Variants in HEG1 observed in about 807,000 individuals in gnomAD.
HEG1 encodes the protein heart development protein with EGF like domains 1.
Under a neutral mutation model 125.6 loss-of-function variants are expected in HEG1, and 56 were observed. The observed-to-expected ratio is 0.45, with a 90% confidence interval of 0.36 to 0.56. The LOEUF is 0.56. Among genes scored for constraint, HEG1 ranks in the 20% least tolerant of loss-of-function variants. The pLI is 0.00. For missense variants in HEG1, 1,523 were observed against 1,670.0 expected (o/e 0.91, Z 1.53); for synonymous variants, 644 against 668.5 (o/e 0.96, Z 0.57).
intron 14 of HEG1, among the ~76,000 whole-genome samples, chr3:124,984,343 T>C (rs1456772738): frequency 2.1e-5 from 3 of 140,880 alleles, no homozygotes; most frequent in Non-Finnish European, 1.5e-5. Flanking sequence ...AATGAAAGGA[T>C]GACCTACAAA....
intron 10 of HEG1, 36 bp downstream of exon 10, chr3:125,002,221 G>T: frequency 6.3e-7 from 1 of 1,589,074 alleles, no homozygotes; most frequent in South Asian, 1.1e-5. Context: ...CCTTTGTACA[G>T]ACTAGTTCAC....
intron 9 of HEG1, among the ~76,000 whole-genome samples, chr3:125,004,035 C>A (rs1029079016): frequency 2.0e-5 from 3 of 152,212 alleles, no homozygotes; most frequent in Admixed American, 6.5e-5. Context: ...TGTTCCCCAA[C>A]TTTGCACCTG....
chr3:124,987,924 T>TACACACAC lies in HEG1; in HGVS notation c.3733+2855_3733+2862dup, dbSNP rs67009322. 4.5e-3 allele frequency among the ~76,000 whole-genome samples: 305 copies of TACACACAC among 67,646 alleles called. 9 individuals are homozygous for TACACACAC. The highest frequency in any genetic ancestry group is 0.013 in the African/African-American group (264 of 20,206). 44.4% of individuals were successfully genotyped at this position (67,646 alleles called of 152,430 possible). ...TCTCTTCTGAAAGACTATATATGTG[T>TACACACAC]ACACACACACACACACACACACACA... On this transcript the variant is annotated intron_variant, in intron 14 of 16. Transcript: ENST00000311127.
intron 3 of HEG1, among the ~76,000 whole-genome samples, chr3:125,025,850 A>G (rs1204064622): frequency 2.6e-5 from 4 of 152,236 alleles, no homozygotes; most frequent in Non-Finnish European, 1.5e-5. Context: ...TTCTAAAAAC[A>G]TGAATCATGA....
Position 124,966,550 on chromosome 3 carries a change from T to A in HEG1, c.*4102A>T, listed in dbSNP as rs1425597689. The A allele has an allele frequency of 1.3e-5, 2 of 152,060 alleles. No individual in the cohort carries two copies. The highest frequency in any genetic ancestry group is 2.4e-5 in the African/African-American group (1 of 41,380). The allele number at this position is 152,060 out of a possible 1,614,324, so 9.4% of individuals were successfully genotyped here. A position where few individuals can be genotyped will look rare whatever the true frequency, so the allele number is the denominator to read the frequency against. On this transcript the variant is annotated 3_prime_UTR_variant, in exon 17 of 17. Transcript: ENST00000311127. ...AATGACACTTTGTTAAGGGAGGAAA[T>A]GAAATGTCCCTTCTCATCCACACAA...
rs1937514001 is a variant in HEG1 at position 125,032,941 on chromosome 3, G to T, written c.317-3453C>A. ...GAAGTCCCAGAGCCCATTCAGCTCA[G>T]GGAACTCCAGTGCAGTCTCCGAGGG... On this transcript the variant is annotated intron_variant, in intron 1 of 16. Transcript: ENST00000311127. 2.0e-5 allele frequency among the ~76,000 whole-genome samples: 3 copies of T among 152,198 alleles called. No homozygotes were observed. The South Asian group carries it at 6.2e-4, about 32-fold the overall frequency.
intron 15 of HEG1, 67 bp from the exon 16 acceptor site, chr3:124,973,972 TATGATTTTATAATGTAAATTCAACTGAAA>T: frequency 9.5e-7 from 1 of 1,047,920 alleles, no homozygotes; most frequent in Non-Finnish European, 1.4e-6. Context: ...AAGCACCAAC[TATGATTTTATAATGTAAATTCAACTGAAA>T]GCTACCATTA....
chr3:125,052,139 TC>T (rs1474623923), intron 1 of HEG1, among the ~76,000 whole-genome samples: 2 of 58,054 alleles, frequency 3.4e-5, no homozygotes, highest in African/African-American at 1.4e-4. Context: ...CCCTCCCGCC[TC>T]CCCCCCTTCT....
rs1937304033 is a variant in HEG1 at position 125,019,486 on chromosome 3, G to A, written c.1364C>T (p.Thr455Ile). The A allele has an allele frequency of 6.2e-7, 1 of 1,614,042 alleles. No homozygotes were observed. The highest frequency in any genetic ancestry group is 1.1e-5 in the South Asian group (1 of 91,082). Residue 455 changes from threonine (T) to isoleucine (I), a missense_variant, in exon 5 of 17, where the codon ACT becomes ATT. Physicochemically the swap from Thr to Ile is moderately conservative, Grantham distance 89. Transcript: ENST00000311127. ...GCTGTTGGTCAAGAGCCAGTGTGCA[G>A]TGATCTCTCCACCTCTCATGGGTGC... ...SVAPMRGGEI[T>I]AHWLLTNSTT... is the part of the protein sequence containing the mutation.
At chr3:124,979,462 T>C (rs62267129) in intron 14 of HEG1, among the ~76,000 whole-genome samples, 4 of 152,228 alleles carry the variant, frequency 2.6e-5, no homozygotes, top group Non-Finnish European at 5.9e-5. Flanking sequence ...TTTAAGCAAG[T>C]ACATATCATA....
intron 16 of HEG1, chr3:124,971,984 A>G (rs1402686539): frequency 1.3e-5 from 2 of 152,170 alleles, no homozygotes; most frequent in Non-Finnish European, 2.9e-5. Flanking sequence ...TTGTAGAGAC[A>G]GGGTCTCACC....
Position 125,001,998 on chromosome 3 carries a change from A to C in HEG1, c.3371T>G (p.Val1124Gly). The change falls in exon 11 of 17, where the codon GTG becomes GGG. Residue 1124 changes from valine to glycine, a missense_variant. Physicochemically the swap from Val to Gly is moderately radical, Grantham distance 109. Coordinates refer to ENST00000311127, the MANE Select transcript of HEG1 (RefSeq NM_020733.2). ...AAAGGTTGTTTGCAGTGAGATCACC[A>C]CCGCGTTGGACTCCCTATAGGCAAA... ...TVHASRESNA[V>G]VISLQTTFSL... is the part of the protein sequence containing the mutation. 2 of 1,613,952 alleles carry C rather than the reference A, an allele frequency of 1.2e-6. No homozygotes were observed. Among genetic ancestry groups the C allele is most frequent in the South Asian group, 1.1e-5 (1 of 91,046 alleles).
intron 5 of HEG1, among the ~76,000 whole-genome samples, chr3:125,017,195 C>T (rs959672288): frequency 6.6e-6 from 1 of 152,140 alleles, no homozygotes; most frequent in African/African-American, 2.4e-5. Context: ...GCTGAGATTA[C>T]AGGCACGTGC....
At chr3:125,029,864 C>G (rs1937473621) in intron 1 of HEG1, among the ~76,000 whole-genome samples, 1 of 152,210 alleles carries the variant, frequency 6.6e-6, no homozygotes, top group South Asian at 2.1e-4. Context: ...TGCACTCCAG[C>G]CTGGGCAACA....
chr3:125,030,119 G>A (rs748407535), intron 1 of HEG1, among the ~76,000 whole-genome samples: 2 of 152,172 alleles, frequency 1.3e-5, no homozygotes. Context: ...GGAAGATTGG[G>A]TGTAAGCAAA....
rs1936333899 is a variant in HEG1 at position 124,967,364 on chromosome 3, A to G, written c.*3288T>C. ...CCACGTGCCAGTGTGCTTCTTGCTG[A>G]GCACAAGCCAGCCACTATTTTCTTA... On this transcript the variant is annotated 3_prime_UTR_variant, in exon 17 of 17. Transcript: ENST00000311127. The G allele has an allele frequency of 6.6e-6, 1 of 151,990 alleles. No individual in the cohort carries two copies. Among genetic ancestry groups the G allele is most frequent in the Non-Finnish European group, 1.5e-5 (1 of 68,022 alleles). The allele number at this position is 151,990 out of a possible 1,614,324, so 9.4% of individuals were successfully genotyped here.
intron 3 of HEG1, among the ~76,000 whole-genome samples, chr3:125,021,901 A>G (rs977394960): frequency 6.6e-6 from 1 of 152,230 alleles, no homozygotes; most frequent in African/African-American, 2.4e-5. Flanking sequence ...TCAAATCTGC[A>G]TACTACTCCA....
At position 125,019,527 on chromosome 3, in the gene HEG1, A is replaced by G. The variant is rs1314147172; in HGVS notation, c.1323T>C (p.Thr441=). Residue 441 remains threonine (T), a synonymous_variant, in exon 5 of 17, where the codon ACT becomes ACC. Transcript: ENST00000311127. ...TCATGGGTGCGACTGACCTAGACAC[A>G]GTCTCAGTCTGAGACATGGGACTTC... The part of the protein sequence containing the change: ...QNGSPMSQTE[T]VSRSVAPMRG... 1.2e-6 allele frequency: 2 copies of G among 1,613,668 alleles called. No individual in the cohort carries two copies. The highest frequency in any genetic ancestry group is 2.7e-5 in the African/African-American group (2 of 75,060).
intron 5 of HEG1, chr3:125,014,717 G>A (rs1374892874): frequency 9.5e-6 from 12 of 1,265,848 alleles, no homozygotes; most frequent in East Asian, 5.6e-5. Flanking sequence ...CCCCACCTCC[G>A]AGTGCACTGG....
Sources: gnomAD v4.1 joint callset for allele counts (sites outside exome capture counted in the v4.1 genomes callset) on GRCh38, gnomAD v4.1.1 for gene constraint, MANE v1.5 for transcripts, NCBI Gene and HGNC (gene_info 2026-07-23, HGNC 2026-07-21) for gene names.